The following ACVR1C variants were observed in gnomAD, a reference collection of about 807,000 sequenced individuals.
ACVR1C encodes the protein activin receptor type-1C.
ACVR1C carries 23 observed loss-of-function variants against 57.9 expected under a neutral mutation model. The observed-to-expected ratio is 0.40, with a 90% CI of 0.29 to 0.56. The LOEUF (loss-of-function observed/expected upper bound fraction) is 0.56. Among genes scored for constraint, ACVR1C ranks in the 20% least tolerant of loss-of-function variants. The pLI, the probability that ACVR1C is intolerant of heterozygous loss-of-function variation, is 0.50. For missense variants in ACVR1C, 480 were observed against 607.9 expected (o/e 0.79, Z 2.21); for synonymous variants, 214 against 215.3 (o/e 0.99, Z 0.05).
At chr2:157,558,774 C>A (rs1175543720) in intron 2 of ACVR1C, among the ~76,000 whole-genome samples, 1 of 152,080 alleles carries the variant, frequency 6.6e-6, no homozygotes, top group Non-Finnish European at 1.5e-5. Flanking sequence ...TAATCATTAG[C>A]CATGGTACTT....
intron 1 of ACVR1C, among the ~76,000 whole-genome samples, chr2:157,622,132 G>A (rs917188481): frequency 6.6e-6 from 1 of 152,040 alleles, no homozygotes; most frequent in Non-Finnish European, 1.5e-5. Flanking sequence ...CTTCAACAAG[G>A]TAAGGATAAA....
chr2:157,553,256 T>C (rs931571122), intron 3 of ACVR1C, among the ~76,000 whole-genome samples: 1 of 152,172 alleles, frequency 6.6e-6, no homozygotes, highest in African/African-American at 2.4e-5. Context: ...ATTCTCTGAT[T>C]ATCAAAGGCA....
chr2:157,586,997 C>T (rs1558987958), intron 2 of ACVR1C, among the ~76,000 whole-genome samples, 190 bp downstream of exon 2: 3 of 152,102 alleles, frequency 2.0e-5, no homozygotes, highest in Non-Finnish European at 4.4e-5. Context: ...AATGTTTTGA[C>T]AATGATGTGC....
rs1349765381 is a variant in ACVR1C at position 157,567,285 on chromosome 2, T to G, written c.305-10953A>C. 1.9e-5 allele frequency among the ~76,000 whole-genome samples: 2 copies of G among 104,938 alleles called. 1 individual carries two copies. The highest frequency in any genetic ancestry group is 4.0e-5 in the Non-Finnish European group (2 of 50,182). The allele number at this position is 104,938 out of a possible 152,430, so 68.8% of individuals were successfully genotyped here. Reference sequence around the variant, plus strand: ...TGGGGAAAAAACAGAACAGAAAAACTGGAAACTCTAAAACACCGAGCACCT... The same window carrying G: ...TGGGGAAAAAACAGAACAGAAAAACGGGAAACTCTAAAACACCGAGCACCT... On this transcript the variant is annotated intron_variant, in intron 2 of 8. Transcript: ENST00000243349.
chr2:157,550,054 G>T, intron 4 of ACVR1C, 108 bp downstream of exon 4: 1 of 871,084 alleles, frequency 1.1e-6, no homozygotes, highest in Non-Finnish European at 1.7e-6. Flanking sequence ...AAAAGAAGAG[G>T]TGAATTTATT....
chr2:157,590,901 T>C (rs932357459), intron 1 of ACVR1C, among the ~76,000 whole-genome samples: 2 of 151,952 alleles, frequency 1.3e-5, no homozygotes, highest in African/African-American at 4.8e-5. Context: ...CTCCTGTACC[T>C]CCATTTTCTT....
chr2:157,554,217 A>AAGAAAGAAAGAAAGAAAGAAAGAAAGAG (rs1688005877), intron 3 of ACVR1C, among the ~76,000 whole-genome samples: 1 of 104,362 alleles, frequency 9.6e-6, no homozygotes, highest in Non-Finnish European at 1.9e-5. Context: ...GAAAGAAAGA[A>AAGAAAGAAAGAAAGAAAGAAAGAAAGAG]AGAAAGAAAG....
At position 157,623,372 on chromosome 2, in the gene ACVR1C, C is replaced by T. The variant is rs551509804; in HGVS notation, c.73+5200G>A. Among the ~76,000 whole-genome samples, 32 of 152,090 alleles carry T rather than the reference C, an allele frequency of 2.1e-4. No homozygotes were observed. The South Asian group carries it at 2.5e-3, about 12-fold the overall frequency. ...AGCAACCTAAGTGTCCATCAACAGA[C>T]GAATGGATAACAAAAATCTGGTATA... On this transcript the variant is annotated intron_variant, in intron 1 of 8. Transcript: ENST00000243349.
chr2:157,597,594 C>A, intron 1 of ACVR1C: 1 of 984,558 alleles, frequency 1.0e-6, no homozygotes. Context: ...CTTCCCGGCG[C>A]ACCCGGGTAC....
chr2:157,559,027 A>G (rs959879848), intron 2 of ACVR1C, among the ~76,000 whole-genome samples: 4 of 152,214 alleles, frequency 2.6e-5, no homozygotes, highest in African/African-American at 9.7e-5. Flanking sequence ...GTTATTGGGA[A>G]CCATCAATAT....
chr2:157,559,052 A>G (rs57198438), intron 2 of ACVR1C, among the ~76,000 whole-genome samples: 9,726 of 152,280 alleles, frequency 0.064, 466 homozygotes, highest in East Asian at 0.24. Flanking sequence ...ATTAGCATTA[A>G]CAAGCTTATT....
chr2:157,610,070 A>G (rs866403143), intron 1 of ACVR1C, among the ~76,000 whole-genome samples: 18 of 151,868 alleles, frequency 1.2e-4, no homozygotes, highest in African/African-American at 4.4e-4. Context: ...CTTGTGGTTT[A>G]GTGGTTCTGT....
chr2:157,538,697 A>G lies in ACVR1C; in HGVS notation c.1232T>C (p.Val411Ala), dbSNP rs147300178. 38 of 1,481,194 alleles carry G rather than the reference A, an allele frequency of 2.6e-5. No individual in the cohort carries two copies. In the African/African-American group the frequency reaches 5.5e-4, roughly 21 times the overall value. The allele number at this position is 1,481,194 out of a possible 1,614,324, so 91.8% of individuals were successfully genotyped here. ...ATAATAAGGCAATTGGTACTCCTCA[A>G]CAATTCCTGTAAGAAATTTGTATAA... ...IARRCSVGGIVEEYQLPYYDM... is the reference protein window; with the variant it reads ...IARRCSVGGIAEEYQLPYYDM... Residue 411 changes from valine to alanine, a missense_variant, in exon 8 of 9, where the codon GTT becomes GCT. Val to Ala is a moderately conservative substitution (Grantham distance 64). Transcript: ENST00000243349.
Position 157,534,061 on chromosome 2 carries a change from A to G in ACVR1C, c.1357-18T>C. The G allele has an allele frequency of 6.6e-7, 1 of 1,516,712 alleles. No homozygotes were observed. Among genetic ancestry groups the G allele is most frequent in the Non-Finnish European group, 8.8e-7 (1 of 1,137,708 alleles). The allele number at this position is 1,516,712 out of a possible 1,614,324, so 94.0% of individuals were successfully genotyped here. A position where few individuals can be genotyped will look rare whatever the true frequency, so the allele number is the denominator to read the frequency against. On this transcript the variant is annotated intron_variant, in intron 8 of 8. Coordinates refer to ENST00000243349, the MANE Select transcript of ACVR1C (RefSeq NM_145259.3). ...CGGAGTGCCTTTAAGAGAGAAAAAA[A>G]AAATCAAAGACTTTAGCTACTCTAC...
chr2:157,537,688 T>C (rs1160553725), intron 8 of ACVR1C, among the ~76,000 whole-genome samples: 1 of 152,126 alleles, frequency 6.6e-6, no homozygotes, highest in Non-Finnish European at 1.5e-5. Context: ...CATTAAAATA[T>C]GGCAAAAAAA....
At chr2:157,602,055 TC>T (rs1041520654) in intron 1 of ACVR1C, among the ~76,000 whole-genome samples, 1 of 152,224 alleles carries the variant, frequency 6.6e-6, no homozygotes. Flanking sequence ...GATTAACGTT[TC>T]CCTTGGTAGT....
chr2:157,547,761 T>G (rs1447886484), intron 4 of ACVR1C, among the ~76,000 whole-genome samples: 1 of 151,280 alleles, frequency 6.6e-6, no homozygotes, highest in Admixed American at 6.6e-5. Context: ...TCTCCCATTT[T>G]GTAGGTTGCC....
chr2:157,549,298 G>T lies in ACVR1C; in HGVS notation c.775+864C>A, dbSNP rs536401079. On this transcript the variant is annotated intron_variant, in intron 4 of 8. Transcript: ENST00000243349. The stretch of plus-strand genomic sequence containing the variant: ...GAGAATCGCTTGAACCCAGGAGGTG[G>T]AGGTTGCAGTGAGCTGAGATCGTGC... Among the ~76,000 whole-genome samples the T allele has an allele frequency of 1.8e-4, 28 of 152,232 alleles. No homozygotes were observed. In the East Asian group the frequency reaches 5.4e-3, roughly 29 times the overall value.
rs535956770 is a variant in ACVR1C, at chr2:157,536,222, T to C, written c.1357-2179A>G. 1.8e-4 allele frequency among the ~76,000 whole-genome samples: 27 copies of C among 152,006 alleles called. 1 individual carries two copies. The highest frequency in any genetic ancestry group is 1.3e-4 in the Non-Finnish European group (9 of 67,990). On this transcript the variant is annotated intron_variant, in intron 8 of 8. Transcript: ENST00000243349. ...TAATGAGTTCTCCAAAACTGAGTAA[T>C]AGAAACAATGAGAGAAAAAACTATT...
Sources: gnomAD v4.1 joint callset for allele counts (sites outside exome capture counted in the v4.1 genomes callset) on GRCh38, gnomAD v4.1.1 for gene constraint, MANE v1.5 for transcripts, NCBI Gene and HGNC (gene_info 2026-07-23, HGNC 2026-07-21) for gene names.